Variants in PATJ observed in about 807,000 individuals in gnomAD.
PATJ encodes the protein inaD-like protein.
In PATJ, 190 loss-of-function variants were observed where a neutral mutation model predicts 224.9. The observed-to-expected ratio is 0.84, with a 90% CI of 0.75 to 0.95. The LOEUF (loss-of-function observed/expected upper bound fraction) is 0.95, where lower values mean the gene tolerates loss of function less well. PATJ is among the 40% of genes least tolerant of loss of function. The pLI is 0.00. For missense variants in PATJ, 2,121 were observed against 2,270.3 expected (o/e 0.93, Z 1.34); for synonymous variants, 769 against 820.3 (o/e 0.94, Z 1.07).
chr1:61,827,291 G>A (rs1243793476), intron 15 of PATJ, 131 bp from the exon 16 acceptor site: 4 of 682,282 alleles, frequency 5.9e-6, no homozygotes, highest in Non-Finnish European at 9.6e-6. Context: ...TATGATGAAA[G>A]CGAGGCCCCT....
intron 26 of PATJ, among the ~76,000 whole-genome samples, chr1:61,918,392 C>T (rs1673774881): frequency 6.7e-6 from 1 of 149,916 alleles, no homozygotes; most frequent in Non-Finnish European, 1.5e-5. Context: ...ACTGCAACCT[C>T]CGCCTCCCAG....
chr1:61,944,887 AC>A (rs1678419469), intron 27 of PATJ, among the ~76,000 whole-genome samples: 1 of 152,170 alleles, frequency 6.6e-6, no homozygotes, highest in Non-Finnish European at 1.5e-5. Context: ...CTCAGCAGAG[AC>A]TCTACAAGCC....
At chr1:62,051,297 T>G (rs1028246725) in intron 31 of PATJ, among the ~76,000 whole-genome samples, 1 of 152,070 alleles carries the variant, frequency 6.6e-6, no homozygotes, top group African/African-American at 2.4e-5. Context: ...TCTCCTCTTT[T>G]TTTTTGTTTT....
intron 17 of PATJ, 57 bp downstream of exon 17, chr1:61,833,842 A>T: frequency 6.6e-7 from 1 of 1,512,068 alleles, no homozygotes; most frequent in East Asian, 2.3e-5. Flanking sequence ...TATTAAAGTT[A>T]TGGGAAGTAG....
At chr1:62,097,265 T>C (rs1661503512) in intron 33 of PATJ, among the ~76,000 whole-genome samples, 1 of 151,924 alleles carries the variant, frequency 6.6e-6, no homozygotes, top group South Asian at 2.1e-4. Context: ...GCAACCTTGA[T>C]AGAATCTGTG....
chr1:61,874,230 G>C (rs2149023736), intron 20 of PATJ, among the ~76,000 whole-genome samples: 1 of 150,306 alleles, frequency 6.7e-6, no homozygotes, highest in African/African-American at 2.4e-5. Flanking sequence ...TTGAGACAGT[G>C]TCTCTCTGTC....
At chr1:62,123,609 C>T (rs1665361256) in intron 39 of PATJ, among the ~76,000 whole-genome samples, 2 of 150,566 alleles carry the variant, frequency 1.3e-5, no homozygotes, top group African/African-American at 2.4e-5. Flanking sequence ...TCCCGAGTAC[C>T]TGGGACTACA....
intron 21 of PATJ, among the ~76,000 whole-genome samples, chr1:61,878,258 G>A (rs1428663543): frequency 6.6e-6 from 1 of 152,116 alleles, no homozygotes; most frequent in African/African-American, 2.4e-5. Context: ...GTGAGGGGGA[G>A]GCAGACATCA....
intron 30 of PATJ, chr1:62,038,744 A>G (rs1236469325): frequency 9.4e-6 from 4 of 427,678 alleles, no homozygotes; most frequent in African/African-American, 6.1e-5. Context: ...AGCTATATAT[A>G]GTGTCCCTTT....
intron 7 of PATJ, among the ~76,000 whole-genome samples, chr1:61,780,388 C>T (rs770903612): frequency 5.3e-5 from 8 of 152,120 alleles, no homozygotes; most frequent in East Asian, 1.9e-4. Context: ...TTGCTTGAAC[C>T]TGGGAGGCAG....
At chr1:61,817,782 C>G (rs139139679) in intron 14 of PATJ, among the ~76,000 whole-genome samples, 10 of 152,310 alleles carry the variant, frequency 6.6e-5, no homozygotes, top group South Asian at 2.1e-4. Context: ...CGGAGGCCAT[C>G]ATGCTTGTGG....
At chr1:61,925,580 T>A (rs1334804097) in intron 26 of PATJ, among the ~76,000 whole-genome samples, 1 of 152,176 alleles carries the variant, frequency 6.6e-6, no homozygotes, top group Non-Finnish European at 1.5e-5. Context: ...ATCATGTAAA[T>A]GGGCTTAAAC....
chr1:61,917,179 A>T (rs184878722), intron 26 of PATJ, among the ~76,000 whole-genome samples: 1 of 152,180 alleles, frequency 6.6e-6, no homozygotes, highest in Non-Finnish European at 1.5e-5. Flanking sequence ...AGCTGTTACC[A>T]TCTTTGTTCC....
chr1:61,752,618 G>A (rs753564788), intron 1 of PATJ, among the ~76,000 whole-genome samples: 6 of 152,186 alleles, frequency 3.9e-5, no homozygotes, highest in South Asian at 2.1e-4. Context: ...GAGCCACCGC[G>A]CCTGGCCTTC....
At chr1:61,989,418 A>C (rs1301773461) in intron 27 of PATJ, among the ~76,000 whole-genome samples, 3 of 152,198 alleles carry the variant, frequency 2.0e-5, no homozygotes, top group African/African-American at 7.2e-5. Flanking sequence ...TATGAGAGCT[A>C]AACCAACACC....
At chr1:61,979,379 G>T (rs552130167) in intron 27 of PATJ, among the ~76,000 whole-genome samples, 1 of 152,062 alleles carries the variant, frequency 6.6e-6, no homozygotes, top group African/African-American at 2.4e-5. Context: ...ATTAGGCCAG[G>T]CGCGGTGGTT....
chr1:61,959,144 A>G (rs12748525), intron 27 of PATJ, among the ~76,000 whole-genome samples: 51,393 of 151,750 alleles, frequency 0.34, 9,376 homozygotes, highest in Non-Finnish European at 0.39. Flanking sequence ...TTCCAAATCT[A>G]TACAAATCAT....
chr1:61,847,165 G>A (rs571156956), intron 17 of PATJ, among the ~76,000 whole-genome samples: 1 of 152,326 alleles, frequency 6.6e-6, no homozygotes, highest in African/African-American at 2.4e-5. Flanking sequence ...AGGGTTATGA[G>A]AAAGGAATAG....
chr1:61,947,215 C>G (rs893058333), intron 27 of PATJ, among the ~76,000 whole-genome samples: 1 of 152,102 alleles, frequency 6.6e-6, no homozygotes, highest in Non-Finnish European at 1.5e-5. Context: ...AAGTTCTGGC[C>G]AGGGCAATCA....
Sources: gnomAD v4.1 joint callset for allele counts (sites outside exome capture counted in the v4.1 genomes callset) on GRCh38, gnomAD v4.1.1 for gene constraint, MANE v1.5 for transcripts, NCBI Gene and HGNC (gene_info 2026-07-23, HGNC 2026-07-21) for gene names.